Variants in KMT2C observed in about 807,000 individuals in gnomAD.
KMT2C encodes the protein histone-lysine N-methyltransferase 2C.
A neutral mutation model predicts 507.9 loss-of-function variants in KMT2C; 88 were observed. The ratio of observed to expected loss-of-function variants is 0.17; its 90% confidence interval spans 0.15 to 0.21. The LOEUF is 0.21. Ranked by LOEUF, KMT2C falls within the 10% of genes least tolerant of loss-of-function variation. The pLI, the probability that KMT2C is intolerant of heterozygous loss-of-function variation, is 1.00. For synonymous variants in KMT2C, 2,049 were observed against 2,080.8 expected (o/e 0.98, Z 0.42); for missense variants, 4,954 against 5,957.8 (o/e 0.83, Z 5.55).
intron 1 of KMT2C, among the ~76,000 whole-genome samples, chr7:152,380,572 A>AT (rs1444062934): frequency 1.1e-3 from 157 of 144,600 alleles, no homozygotes; most frequent in Non-Finnish European, 1.8e-3. Context: ...CTGTCTCAAA[A>AT]GAAAAAAAAA....
rs539979181 is a variant in KMT2C at position 152,356,803 on chromosome 7, A to C, written c.250+1784T>G. On this transcript the variant is annotated intron_variant, in intron 2 of 58. Transcript: ENST00000262189. ...CCAGGAGGGAGACTGAGGCAGGAGA[A>C]TCACTGGAACCCGGGAGACAGAGAT... is the stretch of plus-strand genomic sequence containing the variant. Among the ~76,000 whole-genome samples the C allele has an allele frequency of 4.0e-5, 6 of 151,400 alleles. No homozygotes were observed. In the South Asian group the frequency reaches 1.0e-3, roughly 26 times the overall value.
intron 14 of KMT2C, among the ~76,000 whole-genome samples, chr7:152,246,387 CA>C (rs2095473748): frequency 6.6e-6 from 1 of 151,936 alleles, no homozygotes. Context: ...GACAGCTCAG[CA>C]AAATACTAGG....
chr7:152,144,872 G>A lies in KMT2C; in HGVS notation c.14184C>T (p.Thr4728=), dbSNP rs1406032788. The A allele has an allele frequency of 1.2e-6, 2 of 1,612,166 alleles. No homozygotes were observed. The highest frequency in any genetic ancestry group is 1.7e-5 in the Admixed American group (1 of 59,872). Residue 4728 remains threonine (T), a synonymous_variant, in exon 55 of 59, where the codon ACC becomes ACT. Coordinates refer to ENST00000262189, the MANE Select transcript of KMT2C (RefSeq NM_170606.3). This position sits in a 1 kb window ranked among gnomAD's most constrained non-coding sequence, Gnocchi z 4.4. The stretch of plus-strand genomic sequence containing the variant: ...ACTTTGAGGTGCTGGTGCTGTTTAA[G>A]GTGTGAGGCCTGCAGACAATGGCAT... ...HVKRFVLRPH[T]LNSTSTSKSF...
chr7:152,331,309 C>CA (rs60887703), intron 2 of KMT2C, among the ~76,000 whole-genome samples: 6,769 of 136,284 alleles, frequency 0.05, 419 homozygotes, highest in African/African-American at 0.15. Context: ...GACCCTGTCT[C>CA]AAAAAAAAAA....
At position 152,312,170 on chromosome 7, in the gene KMT2C, A is replaced by T. The variant is rs1399238345; in HGVS notation, c.591-224T>A. ...TAACAAGTAAGAAAAAGAGTCTCCAAACCCACAGGGAAGTATTAAATTGTA... is the reference window on the plus strand; with the variant it reads ...TAACAAGTAAGAAAAAGAGTCTCCATACCCACAGGGAAGTATTAAATTGTA... On this transcript the variant is annotated intron_variant, in intron 4 of 58. Transcript: ENST00000262189. 8.8e-6 allele frequency: 3 copies of T among 342,056 alleles called. No individual in the cohort carries two copies. In the Admixed American group the frequency reaches 1.3e-4, roughly 15 times the overall value. 21.2% of individuals were successfully genotyped at this position (342,056 alleles called of 1,614,324 possible). A position where few individuals can be genotyped will look rare whatever the true frequency, so the allele number is the denominator to read the frequency against.
At chr7:152,228,602 C>G (rs576560175) in intron 18 of KMT2C, among the ~76,000 whole-genome samples, 1 of 152,270 alleles carries the variant, frequency 6.6e-6, no homozygotes, top group Admixed American at 6.5e-5. Context: ...CCAATCTTAA[C>G]TTATGTAAGT....
intron 6 of KMT2C, among the ~76,000 whole-genome samples, chr7:152,290,258 G>GTGTGTGTATA (rs1337492088): frequency 1.5e-4 from 4 of 26,242 alleles, no homozygotes; most frequent in African/African-American, 5.6e-4. Flanking sequence ...GTGTGTATGT[G>GTGTGTGTATA]TATATATATA....
chr7:152,371,994 C>G (rs1458868125), intron 1 of KMT2C, among the ~76,000 whole-genome samples: 1 of 151,356 alleles, frequency 6.6e-6, no homozygotes, highest in Non-Finnish European at 1.5e-5. Flanking sequence ...ATATCACTAC[C>G]AAAAAATCGT....
intron 1 of KMT2C, among the ~76,000 whole-genome samples, chr7:152,392,210 C>A (rs1216630364): frequency 1.3e-5 from 2 of 152,146 alleles, no homozygotes; most frequent in African/African-American, 4.8e-5. Flanking sequence ...CCCTACCCCC[C>A]ACAACCCTAC....
intron 14 of KMT2C, among the ~76,000 whole-genome samples, chr7:152,242,764 TAAATATG>T (rs762159794): frequency 1.2e-4 from 19 of 152,302 alleles, no homozygotes; most frequent in Middle Eastern, 3.4e-3. Flanking sequence ...TGCTGGTTGT[TAAATATG>T]ATCAAAGTCA....
intron 3 of KMT2C, among the ~76,000 whole-genome samples, chr7:152,324,932 G>A (rs904141429): frequency 6.6e-6 from 1 of 151,946 alleles, no homozygotes; most frequent in Non-Finnish European, 1.5e-5. Context: ...GAAAGTAATC[G>A]AGTAATGTTT....
intron 58 of KMT2C, chr7:152,137,412 T>C (rs1193942033): frequency 6.2e-6 from 1 of 160,628 alleles, no homozygotes; most frequent in African/African-American, 2.4e-5. Flanking sequence ...CAAATTAACA[T>C]CTCAGACCAA....
intron 1 of KMT2C, among the ~76,000 whole-genome samples, chr7:152,426,564 T>C (rs1007048591): frequency 2.0e-5 from 3 of 151,700 alleles, no homozygotes; most frequent in African/African-American, 7.2e-5. Flanking sequence ...TGGAGTGAGT[T>C]TGGTTTCTAA....
chr7:152,346,723 T>C (rs992628886), intron 2 of KMT2C, among the ~76,000 whole-genome samples: 1 of 152,208 alleles, frequency 6.6e-6, no homozygotes, highest in East Asian at 1.9e-4. Flanking sequence ...TAGCCTACTG[T>C]TGACAGGAAG....
In KMT2C at chr7:152,162,287, C is replaced by G. The variant is rs758927149; in HGVS notation, c.11290G>C (p.Gly3764Arg). ...GAGTCTCCTTTGGCAGCAGGGGCCC[C>G]AGCAGAATGGGGAGGACTCTGTGCT... Reference protein sequence around the residue: ...SSAQSPPHSAGAPAAKGDSGN... With the variant: ...SSAQSPPHSARAPAAKGDSGN... Residue 3764 changes from glycine (G) to arginine (R), a missense_variant, in exon 43 of 59, where the codon GGG (glycine) becomes CGG (arginine). Coordinates refer to ENST00000262189, the MANE Select transcript of KMT2C (RefSeq NM_170606.3). 1 of 1,614,196 alleles carries G rather than the reference C, an allele frequency of 6.2e-7. No homozygotes were observed.
At chr7:152,295,443 T>C (rs1039386918) in intron 6 of KMT2C, among the ~76,000 whole-genome samples, 3 of 152,238 alleles carry the variant, frequency 2.0e-5, no homozygotes, top group Admixed American at 6.5e-5. Flanking sequence ...TATACCCTCA[T>C]AGTTTCAAAC....
chr7:152,183,259 A>T (rs1588015726), intron 34 of KMT2C, 103 bp from the exon 35 acceptor site: 1 of 935,708 alleles, frequency 1.1e-6, no homozygotes, highest in East Asian at 2.5e-5. Flanking sequence ...AAAAAAAGTC[A>T]GGTAAAATAG....
In KMT2C at chr7:152,162,329, C is replaced by A. The variant is rs747954521; in HGVS notation, c.11248G>T (p.Ala3750Ser). ...NGSKVEGNAVACPVSSAQSPP... is the reference protein window; with the variant it reads ...NGSKVEGNAVSCPVSSAQSPP... ...CTCTGTGCTGAGGAGACAGGACAGG[C>A]TACAGCGTTTCCTTCTACCTTACTA... The change falls in exon 43 of 59, where the codon GCC becomes TCC. Residue 3750 changes from alanine to serine, a missense_variant. Ala to Ser is a moderately conservative substitution (Grantham distance 99, BLOSUM62 1). This residue lies in a region of KMT2C where 801 missense variants were observed against 751.2 expected (regional missense o/e 1.07). Transcript: ENST00000262189. 8 of 1,614,216 alleles carry A rather than the reference C, an allele frequency of 5.0e-6. No individual in the cohort carries two copies. Among genetic ancestry groups the A allele is most frequent in the African/African-American group, 1.3e-5 (1 of 75,070 alleles).
intron 8 of KMT2C, 30 bp from the exon 9 acceptor site, chr7:152,263,160 T>C (rs1197270463): frequency 6.4e-7 from 1 of 1,562,096 alleles, no homozygotes; most frequent in East Asian, 2.2e-5. Flanking sequence ...TAATGATGCC[T>C]TATCTTTAAA....
Sources: allele counts gnomAD v4.1 joint callset (sites outside exome capture counted in the v4.1 genomes callset), GRCh38; gene constraint gnomAD v4.1.1; regional missense constraint gnomAD v4.1.1; non-coding constraint Gnocchi (gnomAD v3.1); transcripts MANE v1.5; gene names NCBI Gene and HGNC (gene_info 2026-07-23, HGNC 2026-07-21).